Variants in HABP4 observed in about 807,000 individuals in gnomAD.
HABP4 encodes hyaluronan binding protein 4.
HABP4 carries 32 observed loss-of-function variants against 44.1 expected under a neutral mutation model. The observed-to-expected ratio is 0.73, with a 90% CI of 0.55 to 0.97. The LOEUF (loss-of-function observed/expected upper bound fraction) is 0.97, where lower values mean the gene tolerates loss of function less well. HABP4 is among the 50% of genes least tolerant of loss of function. The pLI is 0.00. For missense variants in HABP4, 503 were observed against 561.9 expected (o/e 0.90, Z 1.06); for synonymous variants, 216 against 218.0 (o/e 0.99, Z 0.08).
At chr9:96,456,821 A>ATC (rs1832402228) in intron 1 of HABP4, among the ~76,000 whole-genome samples, 2 of 123,682 alleles carry the variant, frequency 1.6e-5, no homozygotes, top group Non-Finnish European at 3.4e-5. Flanking sequence ...ATATATATAT[A>ATC]TCCATTAACT....
intron 5 of HABP4, among the ~76,000 whole-genome samples, chr9:96,473,618 C>A (rs563687481): frequency 6.6e-6 from 1 of 152,288 alleles, no homozygotes; most frequent in South Asian, 2.1e-4. Flanking sequence ...CCTGTTCTGA[C>A]CTGCAGAGTC....
intron 2 of HABP4, 94 bp downstream of exon 2, chr9:96,458,635 T>TC: frequency 1.1e-6 from 1 of 915,356 alleles, no homozygotes; most frequent in Non-Finnish European, 1.6e-6. Flanking sequence ...TCTTTTTTTT[T>TC]TTTTTTTGAG....
chr9:96,487,780 C>T (rs1384952785), intron 6 of HABP4, among the ~76,000 whole-genome samples: 1 of 152,186 alleles, frequency 6.6e-6, no homozygotes, highest in Non-Finnish European at 1.5e-5. Context: ...ATATCTTAAC[C>T]TGCTCAGCTG....
chr9:96,485,234 A>G (rs1832951853), intron 6 of HABP4, among the ~76,000 whole-genome samples: 1 of 152,118 alleles, frequency 6.6e-6, no homozygotes, highest in Non-Finnish European at 1.5e-5. Context: ...TATTTTTAGT[A>G]GAGACGGGGC....
chr9:96,462,150 A>C (rs1277250433), intron 2 of HABP4, among the ~76,000 whole-genome samples: 3 of 151,342 alleles, frequency 2.0e-5, no homozygotes, highest in Non-Finnish European at 2.9e-5. Context: ...TGTCTCAAAA[A>C]AAAAAAAAAA....
At chr9:96,458,810 C>T (rs542395504) in intron 2 of HABP4, among the ~76,000 whole-genome samples, 31 of 151,944 alleles carry the variant, frequency 2.0e-4, no homozygotes, top group African/African-American at 7.0e-4. Flanking sequence ...TTAGTAGAGA[C>T]GGGGTTTCTC....
chr9:96,458,536 T>C lies in HABP4; in HGVS notation c.507T>C (p.Asp169=), dbSNP rs1461117673. ...QADFTAEKFP[D]EKPGDRFDRD... ...ACTTCACAGCTGAGAAGTTTCCAGA[T>C]GAAAAGTATGTGCTGCAGTCCTCAG... Residue 169 remains aspartate (D), a synonymous_variant, in exon 2 of 8, where the codon GAT becomes GAC. Coordinates refer to ENST00000375249, the MANE Select transcript of HABP4 (RefSeq NM_014282.4). 3 of 1,611,312 alleles carry C rather than the reference T, an allele frequency of 1.9e-6. No homozygotes were observed. Among genetic ancestry groups the C allele is most frequent in the South Asian group, 1.1e-5 (1 of 91,008 alleles).
chr9:96,474,920 A>G (rs1362196673), intron 5 of HABP4, among the ~76,000 whole-genome samples: 3 of 152,016 alleles, frequency 2.0e-5, no homozygotes, highest in African/African-American at 7.3e-5. Context: ...GTGCACTTCC[A>G]TTTTCCTCAA....
chr9:96,482,456 C>T (rs1832895892), intron 5 of HABP4, among the ~76,000 whole-genome samples: 1 of 152,102 alleles, frequency 6.6e-6, no homozygotes. Context: ...TAGCATGTGC[C>T]AGTCTTCATT....
rs1832590488 is a variant in HABP4 at position 96,465,781 on chromosome 9, A to G, written c.743+3A>G. 1 of 1,517,102 alleles carries G rather than the reference A, an allele frequency of 6.6e-7. No individual in the cohort carries two copies. The highest frequency in any genetic ancestry group is 9.2e-7 in the Non-Finnish European group (1 of 1,091,382). 94.0% of individuals were successfully genotyped at this position (1,517,102 alleles called of 1,614,324 possible). On this transcript the variant is annotated splice_donor_region_variant and intron_variant, in intron 4 of 7. Coordinates refer to ENST00000375249, the MANE Select transcript of HABP4 (RefSeq NM_014282.4). ...TGGGGATCGGGTAAAGATACCAGGT[A>G]CGGTGTAAGTGTGTGCCCTCTGAGA... is the stretch of plus-strand genomic sequence containing the variant.
intron 4 of HABP4, among the ~76,000 whole-genome samples, chr9:96,469,608 C>G (rs1020360350): frequency 6.6e-6 from 1 of 152,070 alleles, no homozygotes; most frequent in African/African-American, 2.4e-5. Context: ...CTGCAACCTC[C>G]GCCTCCCGGG....
chr9:96,464,386 A>T (rs959884047), intron 2 of HABP4, among the ~76,000 whole-genome samples: 1 of 152,218 alleles, frequency 6.6e-6, no homozygotes, highest in Non-Finnish European at 1.5e-5. Context: ...CAAAAAAAGA[A>T]ATCTAAAGTA....
Position 96,478,655 on chromosome 9 carries a change from C to T in HABP4, c.828-5807C>T, listed in dbSNP as rs144355751. ...TCTCATTATGGGTTTTTGTTGTCATCGTTTTTTTTTTTTTCTTTTTTTAGA... is the reference window on the plus strand; with the variant it reads ...TCTCATTATGGGTTTTTGTTGTCATTGTTTTTTTTTTTTTCTTTTTTTAGA... On this transcript the variant is annotated intron_variant, in intron 5 of 7. Coordinates refer to ENST00000375249, the MANE Select transcript of HABP4 (RefSeq NM_014282.4). Among the ~76,000 whole-genome samples, 272 of 149,104 alleles carry T rather than the reference C, an allele frequency of 1.8e-3. 3 individuals carry two copies. Among genetic ancestry groups the T allele is most frequent in the African/African-American group, 6.3e-3 (253 of 40,308 alleles).
intron 5 of HABP4, among the ~76,000 whole-genome samples, chr9:96,481,572 G>T (rs1308564821): frequency 6.6e-6 from 1 of 151,922 alleles, no homozygotes; most frequent in African/African-American, 2.4e-5. Flanking sequence ...GAGAGACCCC[G>T]TCTCTACAAA....
At chr9:96,489,295 A>C (rs1464633993) in intron 7 of HABP4, among the ~76,000 whole-genome samples, 1 of 151,742 alleles carries the variant, frequency 6.6e-6, no homozygotes, top group Non-Finnish European at 1.5e-5. Context: ...CCCCTGCAGC[A>C]CTCCAGGGAG....
chr9:96,452,054 C>T (rs1271569029), intron 1 of HABP4, among the ~76,000 whole-genome samples: 1 of 151,840 alleles, frequency 6.6e-6, no homozygotes, highest in African/African-American at 2.4e-5. Context: ...GGTGAAATCC[C>T]GTCTCTATTA....
In HABP4 at chr9:96,478,322, G is replaced by A. The variant is rs571694499; in HGVS notation, c.828-6140G>A. Among the ~76,000 whole-genome samples, 14 of 152,136 alleles carry A rather than the reference G, an allele frequency of 9.2e-5. 1 individual carries two copies. The East Asian group carries it at 1.9e-3, about 21-fold the overall frequency. Reference sequence around the variant, plus strand: ...TAATTTTTGTATTTTTAGTAGAGACGGGGTTTCACCATGTTGGCCAGGCTG... The same window carrying A: ...TAATTTTTGTATTTTTAGTAGAGACAGGGTTTCACCATGTTGGCCAGGCTG... On this transcript the variant is annotated intron_variant, in intron 5 of 7. Transcript: ENST00000375249.
chr9:96,479,865 C>T (rs1246077157), intron 5 of HABP4, among the ~76,000 whole-genome samples: 1 of 151,904 alleles, frequency 6.6e-6, no homozygotes, highest in African/African-American at 2.4e-5. Context: ...GGCTTATATT[C>T]CAATTTAAAA....
In HABP4 at chr9:96,450,606, C is replaced by T; in HGVS notation, c.327C>T (p.Pro109=). 4 of 1,270,884 alleles carry T rather than the reference C, an allele frequency of 3.1e-6. No homozygotes were observed. The highest frequency in any genetic ancestry group is 4.0e-6 in the Non-Finnish European group (4 of 1,009,106). The allele number at this position is 1,270,884 out of a possible 1,614,324, so 78.7% of individuals were successfully genotyped here. ...CCGTCGCTCAGCGGCCCGATAGCCC[C>T]GGGGGCGGCCTGCAGGCGCCGGGTA... The part of the protein sequence containing the change: ...PAPVAQRPDS[P]GGGLQAPGQK... Residue 109 remains proline, a synonymous_variant, in exon 1 of 8, where the codon CCC becomes CCT. Coordinates refer to ENST00000375249, the MANE Select transcript of HABP4 (RefSeq NM_014282.4). This position sits in a 1 kb window ranked among gnomAD's most constrained non-coding sequence, Gnocchi z 4.8.
Sources: allele counts gnomAD v4.1 joint callset (sites outside exome capture counted in the v4.1 genomes callset), GRCh38; gene constraint gnomAD v4.1.1; non-coding constraint Gnocchi (gnomAD v3.1); transcripts MANE v1.5; gene names NCBI Gene and HGNC (gene_info 2026-07-23, HGNC 2026-07-21).